Variants in CHRNB3 observed in about 807,000 individuals in gnomAD.
CHRNB3 encodes neuronal acetylcholine receptor subunit beta-3.
A neutral mutation model predicts 40.6 loss-of-function variants in CHRNB3; 37 were observed. The observed-to-expected ratio is 0.91, with a 90% CI of 0.70 to 1.20. The LOEUF is 1.20. Among genes scored for constraint, CHRNB3 ranks in the 50% most tolerant of loss-of-function variants. The pLI, the probability that CHRNB3 is intolerant of heterozygous loss-of-function variation, is 0.00. For missense variants in CHRNB3, 505 were observed against 551.2 expected (o/e 0.92, Z 0.84); for synonymous variants, 207 against 207.1 (o/e 1.00, Z 0.00).
chr8:42,710,365 A>G, intron 2 of CHRNB3, 25 bp from the exon 3 acceptor site: 1 of 1,550,800 alleles, frequency 6.4e-7, no homozygotes. Flanking sequence ...AACTTACAGT[A>G]TTTTTTAAAT....
At position 42,737,160 on chromosome 8, in the gene CHRNB3, T is replaced by C. The variant is rs7012713; in HGVS notation, c.*542T>C. ...GGGTTTGGGGATTACACTGGCAGGA[T>C]AGCTGGCACTGCACACTTAACAATA... On this transcript the variant is annotated 3_prime_UTR_variant, in exon 6 of 6. Coordinates refer to ENST00000289957, the MANE Select transcript of CHRNB3 (RefSeq NM_000749.5). The C allele has an allele frequency of 0.98, 149,916 of 153,076 alleles. 73,437 individuals are homozygous for C. Among genetic ancestry groups the C allele is most frequent in the East Asian group, 1 (5,158 of 5,158 alleles). 9.5% of individuals were successfully genotyped at this position (153,076 alleles called of 1,614,324 possible).
At chr8:42,712,896 C>T (rs1382504730) in intron 3 of CHRNB3, among the ~76,000 whole-genome samples, 1 of 134,902 alleles carries the variant, frequency 7.4e-6, no homozygotes, top group Non-Finnish European at 1.5e-5. Flanking sequence ...GTGTCTCACT[C>T]TGTCGCCCAG....
chr8:42,719,923 A>T (rs1475578651), intron 3 of CHRNB3, among the ~76,000 whole-genome samples: 1 of 151,828 alleles, frequency 6.6e-6, no homozygotes, highest in Admixed American at 6.6e-5. Flanking sequence ...AGTCCCACCT[A>T]GCCTCTTTTT....
At chr8:42,715,976 CTTT>C (rs34401500) in intron 3 of CHRNB3, among the ~76,000 whole-genome samples, 5 of 124,180 alleles carry the variant, frequency 4.0e-5, no homozygotes, top group Non-Finnish European at 5.0e-5. Context: ...TTAAACTGAC[CTTT>C]TTTTTTTTTT....
intron 1 of CHRNB3, among the ~76,000 whole-genome samples, chr8:42,708,193 G>A (rs779626050): frequency 6.6e-6 from 1 of 152,174 alleles, no homozygotes; most frequent in Non-Finnish European, 1.5e-5. Flanking sequence ...TGGGCCGGGC[G>A]TGGTGGCTCA....
chr8:42,704,672 G>C (rs116434505), intron 1 of CHRNB3, among the ~76,000 whole-genome samples: 385 of 152,210 alleles, frequency 2.5e-3, no homozygotes, highest in African/African-American at 9.0e-3. Flanking sequence ...AGTTGTCTGA[G>C]CTAATAGGTG....
chr8:42,703,896 A>T (rs1815872943), intron 1 of CHRNB3, among the ~76,000 whole-genome samples: 1 of 152,224 alleles, frequency 6.6e-6, no homozygotes, highest in Admixed American at 6.5e-5. Context: ...CTTGTCCTCT[A>T]AGTCTGCTCC....
rs1816448935 is a variant in CHRNB3 at position 42,732,511 on chromosome 8, A to G, written c.1204A>G (p.Ile402Val). 6.2e-7 allele frequency: 1 copy of G among 1,604,248 alleles called. No homozygotes were observed. The highest frequency in any genetic ancestry group is 8.5e-7 in the Non-Finnish European group (1 of 1,177,374). ...AAAAGCTGCTGATTCCATTAGATAC[A>G]TTTCGAGACATGTGAAGAAAGAACA... The part of the protein sequence containing the change: ...LEKAADSIRY[I>V]SRHVKKEHFI... Residue 402 changes from isoleucine (I) to valine (V), a missense_variant, in exon 5 of 6, where the codon ATT becomes GTT. Physicochemically the swap from Ile to Val is conservative, Grantham distance 29. Coordinates refer to ENST00000289957, the MANE Select transcript of CHRNB3 (RefSeq NM_000749.5).
chr8:42,729,960 G>T (rs147523232), intron 3 of CHRNB3, among the ~76,000 whole-genome samples: 152 of 152,266 alleles, frequency 1.0e-3, no homozygotes, highest in African/African-American at 3.1e-3. Flanking sequence ...GAAGAAAAAT[G>T]TGTAAGCGCC....
intron 3 of CHRNB3, among the ~76,000 whole-genome samples, chr8:42,711,705 T>C (rs186820428): frequency 1.1e-3 from 163 of 152,280 alleles, no homozygotes; most frequent in African/African-American, 3.9e-3. Flanking sequence ...ATTTATTTTT[T>C]AGATTCAGGA....
intron 3 of CHRNB3, among the ~76,000 whole-genome samples, chr8:42,712,585 G>A (rs1454910784): frequency 6.6e-6 from 1 of 152,084 alleles, no homozygotes; most frequent in African/African-American, 2.4e-5. Flanking sequence ...AATAAGCTTG[G>A]AATGTATATA....
intron 3 of CHRNB3, chr8:42,725,957 G>T: frequency 9.1e-7 from 1 of 1,101,930 alleles, no homozygotes; most frequent in Non-Finnish European, 1.4e-6. Context: ...CTTTCGATGC[G>T]TACAACAAAG....
At chr8:42,731,625 G>A (rs1816419393) in intron 4 of CHRNB3, 42 bp from the exon 5 acceptor site, 2 of 1,533,196 alleles carry the variant, frequency 1.3e-6, no homozygotes, top group African/African-American at 2.8e-5. Flanking sequence ...AAAACTAGCA[G>A]GTGCTCCACC....
chr8:42,700,956 G>A lies in CHRNB3; in HGVS notation c.52+3358G>A, dbSNP rs112917062. 6.3e-3 allele frequency among the ~76,000 whole-genome samples: 957 copies of A among 152,048 alleles called. 6 individuals are homozygous for A. Among genetic ancestry groups the A allele is most frequent in the Non-Finnish European group, 0.01 (709 of 67,968 alleles). On this transcript the variant is annotated intron_variant, in intron 1 of 5. Coordinates refer to ENST00000289957, the MANE Select transcript of CHRNB3 (RefSeq NM_000749.5). ...AATCAAGAATAAAGAGACTGGTCGG[G>A]TGTGGGGCTTACGTCTGTAATCCAG... is the stretch of plus-strand genomic sequence containing the variant.
At chr8:42,733,127 C>T (rs776746184) in intron 5 of CHRNB3, among the ~76,000 whole-genome samples, 2 of 151,248 alleles carry the variant, frequency 1.3e-5, no homozygotes, top group African/African-American at 2.4e-5. Flanking sequence ...TGCAGGAGAT[C>T]GAGACCAGCC....
At chr8:42,700,177 C>G (rs1191772877) in intron 1 of CHRNB3, among the ~76,000 whole-genome samples, 1 of 151,848 alleles carries the variant, frequency 6.6e-6, no homozygotes, top group East Asian at 1.9e-4. Flanking sequence ...CCACGCCCAG[C>G]TAATATTTTT....
chr8:42,727,925 A>T (rs1197239945), intron 3 of CHRNB3, among the ~76,000 whole-genome samples: 3 of 152,166 alleles, frequency 2.0e-5, no homozygotes, highest in African/African-American at 7.2e-5. Flanking sequence ...AATCTTCGTG[A>T]CCCTGTGTTA....
chr8:42,719,874 T>C (rs992159365), intron 3 of CHRNB3, among the ~76,000 whole-genome samples: 4 of 152,030 alleles, frequency 2.6e-5, no homozygotes, highest in Non-Finnish European at 4.4e-5. Context: ...CAGTGTGCTT[T>C]CTCTTTTGAG....
chr8:42,711,284 T>C lies in CHRNB3; in HGVS notation c.249+850T>C, dbSNP rs191812409. On this transcript the variant is annotated intron_variant, in intron 3 of 5. Transcript: ENST00000289957. Reference sequence around the variant, plus strand: ...AAGATCATGCCACTGCATTCCAGCCTGGGTGACAGAGCAAGAGCCTGTGTC... The same window carrying C: ...AAGATCATGCCACTGCATTCCAGCCCGGGTGACAGAGCAAGAGCCTGTGTC... 5.4e-4 allele frequency among the ~76,000 whole-genome samples: 82 copies of C among 152,072 alleles called. No individual in the cohort carries two copies. In the East Asian group the frequency reaches 0.012, roughly 23 times the overall value.
Sources: gnomAD v4.1 joint callset for allele counts (sites outside exome capture counted in the v4.1 genomes callset) on GRCh38, gnomAD v4.1.1 for gene constraint, MANE v1.5 for transcripts, NCBI Gene and HGNC (gene_info 2026-07-23, HGNC 2026-07-21) for gene names.